The following CDH15 variants were observed in gnomAD, a reference collection of about 807,000 sequenced individuals.
CDH15 encodes the protein cadherin 15.
CDH15 carries 73 observed loss-of-function variants against 69.4 expected under a neutral mutation model. That is an observed-to-expected ratio of 1.05 (90% CI 0.87 to 1.28). CDH15 has a LOEUF of 1.28. Ranked by LOEUF, CDH15 falls within the 50% of genes most tolerant of loss-of-function variation. The pLI is 0.00. For missense variants in CDH15, 1,343 were observed against 1,133.6 expected, an observed-to-expected ratio of 1.18 and a Z score of -2.65; for synonymous variants, 624 against 507.7, an observed-to-expected ratio of 1.23 and a Z score of -3.08.
At position 89,185,466 on chromosome 16, in the gene CDH15, G is replaced by A. The variant is rs1915463967; in HGVS notation, c.663+133G>A. 4 of 1,037,094 alleles carry A rather than the reference G, an allele frequency of 3.9e-6. No individual in the cohort carries two copies. In the African/African-American group the frequency reaches 4.7e-5, roughly 12 times the overall value. The allele number at this position is 1,037,094 out of a possible 1,614,324, so 64.2% of individuals were successfully genotyped here. A position where few individuals can be genotyped will look rare whatever the true frequency, so the allele number is the denominator to read the frequency against. On this transcript the variant is annotated intron_variant, in intron 5 of 13. Transcript: ENST00000289746. ...TCACTGCAGAGCTTGCAGTGGCCCT[G>A]GCTCCTGAGGAGATGGCATGGGGTG...
chr16:89,193,923 C>G lies in CDH15; in HGVS notation c.2151+10C>G. 1 of 1,611,504 alleles carries G rather than the reference C, an allele frequency of 6.2e-7. No homozygotes were observed. Among genetic ancestry groups the G allele is most frequent in the Non-Finnish European group, 8.5e-7 (1 of 1,179,588 alleles). On this transcript the variant is annotated intron_variant, in intron 13 of 13. Transcript: ENST00000289746. ...CGACTTCATCAATGATGTAGGTGCTCCTGGGGACACCCCAGTACACACAGG... is the reference window on the plus strand; with the variant it reads ...CGACTTCATCAATGATGTAGGTGCTGCTGGGGACACCCCAGTACACACAGG...
At position 89,183,656 on chromosome 16, in the gene CDH15, G is replaced by T. The variant is rs780842843; in HGVS notation, c.466G>T (p.Ala156Ser). 3.7e-6 allele frequency: 6 copies of T among 1,612,196 alleles called. No homozygotes were observed. In the East Asian group the frequency reaches 1.3e-4, roughly 36 times the overall value. ...NDNRPAFLQE[A>S]FTGRVLEGAV... ...CAACCGGCCAGCCTTCCTGCAGGAG[G>T]CGTTCACTGGCCGCGTGCTGGAGGG... is the stretch of plus-strand genomic sequence containing the variant. Residue 156 changes from alanine to serine, a missense_variant, in exon 4 of 14, where the codon GCG becomes TCG. Transcript: ENST00000289746.
chr16:89,195,169 C>A lies in CDH15; in HGVS notation c.*14C>A. On this transcript the variant is annotated 3_prime_UTR_variant, in exon 14 of 14. Coordinates refer to ENST00000289746, the MANE Select transcript of CDH15 (RefSeq NM_004933.3). ...CGGACAGCCTGACCCTGGGGCGCAA[C>A]TGGACATGCCACTCCCCGGCCTCGT... The A allele has an allele frequency of 1.9e-6, 3 of 1,558,230 alleles. No individual in the cohort carries two copies. Among genetic ancestry groups the A allele is most frequent in the Non-Finnish European group, 2.6e-6 (3 of 1,151,346 alleles).
At position 89,195,101 on chromosome 16, in the gene CDH15, G is replaced by A; in HGVS notation, c.2391G>A (p.Arg797=). Residue 797 remains arginine, a synonymous_variant, in exon 14 of 14, where the codon AGG becomes AGA. Transcript: ENST00000289746. ...GGGCCAGATGGGACCACCAGGCCAGGGAGGGTCTTTCTCCTGGGGCACTGC... is the reference window on the plus strand; with the variant it reads ...GGGCCAGATGGGACCACCAGGCCAGAGAGGGTCTTTCTCCTGGGGCACTGC... ...EYGARWDHQA[R]EGLSPGALLP... 2 of 1,609,584 alleles carry A rather than the reference G, an allele frequency of 1.2e-6. No individual in the cohort carries two copies. Among genetic ancestry groups the A allele is most frequent in the East Asian group, 2.2e-5 (1 of 44,818 alleles).
At chr16:89,182,410 G>A (rs1321690422) in intron 3 of CDH15, among the ~76,000 whole-genome samples, 1 of 150,960 alleles carries the variant, frequency 6.6e-6, no homozygotes, top group East Asian at 1.9e-4. Flanking sequence ...GGAGGCCGAG[G>A]CGAGTGGATC....
At position 89,183,598 on chromosome 16, in the gene CDH15, G is replaced by C. The variant is rs377311613; in HGVS notation, c.408G>C (p.Thr136=). The C allele has an allele frequency of 3.1e-6, 5 of 1,614,142 alleles. No homozygotes were observed. The Admixed American group carries it at 5.0e-5, about 16-fold the overall frequency. Residue 136 remains threonine (T), a synonymous_variant, in exon 4 of 14, where the codon ACG becomes ACC. Coordinates refer to ENST00000289746, the MANE Select transcript of CDH15 (RefSeq NM_004933.3). Reference sequence around the variant, plus strand: ...GAGGATCCACCCTGGAGGACCCCACGGACCTGGAGATTGTAGTTGTGGATC... The same window carrying C: ...GAGGATCCACCCTGGAGGACCCCACCGACCTGGAGATTGTAGTTGTGGATC... ...DLGGSTLEDP[T]DLEIVVVDQN...
chr16:89,171,824 C>G lies in CDH15; in HGVS notation c.-8C>G, dbSNP rs1001603563. ...GTGCACTCCGGCCCGGCTCCCGCCT[C>G]GGCCCCGATGGACGCCGCGTTCCTC... On this transcript the variant is annotated 5_prime_UTR_variant, in exon 1 of 14. Coordinates refer to ENST00000289746, the MANE Select transcript of CDH15 (RefSeq NM_004933.3). 8 of 1,555,230 alleles carry G rather than the reference C, an allele frequency of 5.1e-6. No individual in the cohort carries two copies. In the South Asian group the frequency reaches 8.3e-5, roughly 16 times the overall value.
intron 3 of CDH15, chr16:89,182,837 A>T (rs1408087342): frequency 1.3e-5 from 2 of 152,148 alleles, no homozygotes; most frequent in Non-Finnish European, 2.9e-5. Flanking sequence ...AATTGTGCCC[A>T]TTCTCCGAAA....
chr16:89,195,280 G>C lies in CDH15; in HGVS notation c.*125G>C. 1.9e-6 allele frequency: 2 copies of C among 1,044,908 alleles called. No homozygotes were observed. Among genetic ancestry groups the C allele is most frequent in the South Asian group, 1.7e-5 (1 of 58,768 alleles). The allele number at this position is 1,044,908 out of a possible 1,614,324, so 64.7% of individuals were successfully genotyped here. A position where few individuals can be genotyped will look rare whatever the true frequency, so the allele number is the denominator to read the frequency against. On this transcript the variant is annotated 3_prime_UTR_variant, in exon 14 of 14. Transcript: ENST00000289746. Reference sequence around the variant, plus strand: ...GGGCAGCCTCCTTCCTGTAGGCGAGGGCCCAAGTCTGGGGGCAGAACCTGA... The same window carrying C: ...GGGCAGCCTCCTTCCTGTAGGCGAGCGCCCAAGTCTGGGGGCAGAACCTGA...
intron 7 of CDH15, among the ~76,000 whole-genome samples, chr16:89,188,551 C>A (rs1477207276): frequency 6.7e-6 from 1 of 149,450 alleles, no homozygotes; most frequent in Non-Finnish European, 1.5e-5. Flanking sequence ...GATGCCCACA[C>A]ACAGATGCCG....
chr16:89,179,527 A>C lies in CDH15; in HGVS notation c.154A>C (p.Ile52Leu). 2 of 1,612,164 alleles carry C rather than the reference A, an allele frequency of 1.2e-6. No individual in the cohort carries two copies. Among genetic ancestry groups the C allele is most frequent in the Non-Finnish European group, 1.7e-6 (2 of 1,179,186 alleles). The change falls in exon 2 of 14, where the codon ATC becomes CTC. Residue 52 changes from isoleucine to leucine, a missense_variant. By Grantham distance (5) the Ile-to-Leu change is conservative. Transcript: ENST00000289746. ...GCGGAGGGCCTGGGTCATCCCCCCG[A>C]TCAGCGTATCCGAGAACCACAAGCG... is the stretch of plus-strand genomic sequence containing the variant. ...RVRRAWVIPP[I>L]SVSENHKRLP...
At position 89,180,361 on chromosome 16, in the gene CDH15, G is replaced by A; in HGVS notation, c.357+6G>A. On this transcript the variant is annotated splice_donor_region_variant and intron_variant, in intron 3 of 13. Coordinates refer to ENST00000289746, the MANE Select transcript of CDH15 (RefSeq NM_004933.3). ...AGAAGACTGATCGCTTCAGGGTGCG[G>A]AGCTGCGTGGTCGGACCTGTGCCCC... is the stretch of plus-strand genomic sequence containing the variant. 6.2e-7 allele frequency: 1 copy of A among 1,610,514 alleles called. No individual in the cohort carries two copies. Among genetic ancestry groups the A allele is most frequent in the Non-Finnish European group, 8.5e-7 (1 of 1,178,736 alleles).
rs763214830 is a variant in CDH15 at position 89,195,108 on chromosome 16, C to A, written c.2398C>A (p.Leu800Ile). 5 of 1,608,188 alleles carry A rather than the reference C, an allele frequency of 3.1e-6. No homozygotes were observed. The East Asian group carries it at 1.1e-4, about 36-fold the overall frequency. ...ARWDHQAREG[L>I]SPGALLPRHR... ...ATGGGACCACCAGGCCAGGGAGGGT[C>A]TTTCTCCTGGGGCACTGCTACCCAG... The change falls in exon 14 of 14, where the codon CTT (leucine) becomes ATT (isoleucine). Residue 800 changes from leucine to isoleucine, a missense_variant. Transcript: ENST00000289746.
intron 5 of CDH15, among the ~76,000 whole-genome samples, chr16:89,186,442 T>C (rs75582738): frequency 0.099 from 9,199 of 93,290 alleles, 694 homozygotes; most frequent in African/African-American, 0.11. Context: ...CTGTAAAGGC[T>C]CACCCAGCGC....
rs770080908 is a variant in CDH15 at position 89,180,974 on chromosome 16, C to CTTTTTTTTTTTTTTTTTTTTTTTTTTT, written c.357+632_357+633insTTTTTTTTTTTTTTTTTTTTTTTTTTT. 1.8e-4 allele frequency among the ~76,000 whole-genome samples: 17 copies of CTTTTTTTTTTTTTTTTTTTTTTTTTTT among 96,994 alleles called. 2 individuals carry two copies. The highest frequency in any genetic ancestry group is 7.3e-4 in the African/African-American group (17 of 23,448). The allele number at this position is 96,994 out of a possible 152,430, so 63.6% of individuals were successfully genotyped here. A position where few individuals can be genotyped will look rare whatever the true frequency, so the allele number is the denominator to read the frequency against. On this transcript the variant is annotated intron_variant, in intron 3 of 13. Transcript: ENST00000289746. ...TCCTGAGTGAGCCACCGCGCCCGAC[C>CTTTTTTTTTTTTTTTTTTTTTTTTTTT]TTTTTTTTTTTTTGAGATGGAGCTT...
Position 89,185,279 on chromosome 16 carries a change from C to A in CDH15, c.609C>A (p.Ser203Arg). The A allele has an allele frequency of 1.2e-6, 2 of 1,606,288 alleles. No individual in the cohort carries two copies. Among genetic ancestry groups the A allele is most frequent in the Non-Finnish European group, 1.7e-6 (2 of 1,176,694 alleles). The change falls in exon 5 of 14, where the codon AGC becomes AGA. Residue 203 changes from serine to arginine, a missense_variant. By Grantham distance (110) the Ser-to-Arg change is moderately radical. Transcript: ENST00000289746. ...AGCAGGGCAGCCCCGAGCTCTTCAG[C>A]ATCGACGAGCTCACAGGAGAGATCC... ...ILQQGSPELFSIDELTGEIRT... is the reference protein window; with the variant it reads ...ILQQGSPELFRIDELTGEIRT...
rs767846537 is a variant in CDH15, at chr16:89,193,615, G to A, written c.1992+9G>A. The A allele has an allele frequency of 1.1e-5, 18 of 1,582,808 alleles. No homozygotes were observed. The highest frequency in any genetic ancestry group is 7.2e-5 in the Admixed American group (4 of 55,236). The stretch of plus-strand genomic sequence containing the variant: ...GCGGGGAGGAGGACCAGGTGAGGGG[G>A]CAGGTGTGGGTGGGGAGGGGTCCCC... On this transcript the variant is annotated intron_variant, in intron 12 of 13. Transcript: ENST00000289746.
chr16:89,191,738 C>G lies in CDH15; in HGVS notation c.1459C>G (p.Pro487Ala). The G allele has an allele frequency of 6.2e-7, 1 of 1,604,528 alleles. No homozygotes were observed. Among genetic ancestry groups the G allele is most frequent in the Non-Finnish European group, 8.5e-7 (1 of 1,179,218 alleles). The part of the protein sequence containing the change: ...NDHAPVLAPP[P>A]PGSLCSEPHQ... ...CCATGCACCTGTGCTGGCCCCGCCG[C>G]CGCCGGGCAGCCTGTGCAGCGAGCC... The change falls in exon 10 of 14, where the codon CCG (proline) becomes GCG (alanine). Residue 487 changes from proline to alanine, a missense_variant. Pro to Ala is a conservative substitution (Grantham distance 27). Coordinates refer to ENST00000289746, the MANE Select transcript of CDH15 (RefSeq NM_004933.3).
intron 1 of CDH15, 73 bp from the exon 2 acceptor site, chr16:89,179,343 C>T: frequency 1.3e-6 from 2 of 1,575,884 alleles, no homozygotes; most frequent in Non-Finnish European, 1.7e-6. Flanking sequence ...TCACCACCCA[C>T]AGCTCCCAGC....
Sources: gnomAD v4.1 joint callset for allele counts (sites outside exome capture counted in the v4.1 genomes callset) on GRCh38, gnomAD v4.1.1 for gene constraint, MANE v1.5 for transcripts, NCBI Gene and HGNC (gene_info 2026-07-23, HGNC 2026-07-21) for gene names.